The following ROBO2 variants were observed in gnomAD, a reference collection of about 807,000 sequenced individuals.
ROBO2 encodes roundabout guidance receptor 2, also known as roundabout homolog 2.
In ROBO2, 53 loss-of-function variants were observed where a neutral mutation model predicts 160.8. That is an observed-to-expected ratio of 0.33 (90% CI 0.26 to 0.41). The LOEUF is 0.41. ROBO2 is among the 10% of genes least tolerant of loss of function. The pLI is 1.00. For synonymous variants in ROBO2, 664 were observed against 611.7 expected, an observed-to-expected ratio of 1.09 and a Z score of -1.26; for missense variants, 1,577 against 1,722.4, an observed-to-expected ratio of 0.92 and a Z score of 1.49.
At chr3:76,427,835 T>C (rs1203248864) in intron 2 of ROBO2, among the ~76,000 whole-genome samples, 1 of 152,186 alleles carries the variant, frequency 6.6e-6, no homozygotes, top group African/African-American at 2.4e-5. Context: ...GAATCTGTTT[T>C]TTCAGTGAGT....
chr3:77,002,466 A>G (rs2061381480), intron 2 of ROBO2, among the ~76,000 whole-genome samples: 1 of 151,912 alleles, frequency 6.6e-6, no homozygotes. Flanking sequence ...AGATCATTTG[A>G]TATTATAAAA....
intron 2 of ROBO2, among the ~76,000 whole-genome samples, chr3:77,031,913 A>C (rs2063349324): frequency 6.6e-6 from 1 of 152,080 alleles, no homozygotes; most frequent in Admixed American, 6.6e-5. Flanking sequence ...TGGGAAGTTC[A>C]AGATCAAGGC....
intron 2 of ROBO2, among the ~76,000 whole-genome samples, chr3:77,386,626 A>G (rs1391826938): frequency 9.4e-5 from 1 of 10,622 alleles, no homozygotes; most frequent in Non-Finnish European, 4.2e-4. Flanking sequence ...TTTTTGAAAT[A>G]GAGCCTCGCT....
intron 2 of ROBO2, among the ~76,000 whole-genome samples, chr3:76,807,755 G>T (rs1394775351): frequency 6.6e-6 from 1 of 151,996 alleles, no homozygotes; most frequent in Non-Finnish European, 1.5e-5. Context: ...TAGTGAAAGG[G>T]CATCAGTTAT....
In ROBO2 at chr3:77,561,795, G is replaced by A. The variant is rs971447582; in HGVS notation, c.1438-856G>A. Among the ~76,000 whole-genome samples, 24 of 151,930 alleles carry A rather than the reference G, an allele frequency of 1.6e-4. 1 individual carries two copies. The highest frequency in any genetic ancestry group is 1.3e-4 in the Non-Finnish European group (9 of 67,992). On this transcript the variant is annotated intron_variant, in intron 9 of 25. Coordinates refer to ENST00000461745, the Ensembl canonical transcript of ROBO2. ...AATATTGAAGTTTTTAAATGAAGAA[G>A]TTTACCTTAAAAATATTTCTTTTTC...
intron 2 of ROBO2, among the ~76,000 whole-genome samples, chr3:76,590,254 T>G (rs1447117938): frequency 6.6e-6 from 1 of 152,154 alleles, no homozygotes; most frequent in Admixed American, 6.5e-5. Context: ...TTTTAACAAG[T>G]AATTTAACTC....
chr3:76,958,657 C>T (rs1015207569), intron 2 of ROBO2, among the ~76,000 whole-genome samples: 3 of 152,176 alleles, frequency 2.0e-5, no homozygotes, highest in Non-Finnish European at 4.4e-5. Context: ...CTGGCTTATG[C>T]AGTGAGAATG....
chr3:76,235,966 A>T (rs1704919495), intron 2 of ROBO2, among the ~76,000 whole-genome samples: 1 of 152,164 alleles, frequency 6.6e-6, no homozygotes, highest in African/African-American at 2.4e-5. Flanking sequence ...AAATAATAGA[A>T]ATAAAGATGA....
intron 2 of ROBO2, among the ~76,000 whole-genome samples, chr3:77,416,087 A>T (rs924772420): frequency 6.6e-6 from 1 of 152,174 alleles, no homozygotes; most frequent in African/African-American, 2.4e-5. Flanking sequence ...TGGAGAGTGG[A>T]CAAGGCAGGG....
At chr3:77,561,094 C>A (rs902344702) in intron 9 of ROBO2, among the ~76,000 whole-genome samples, 2 of 151,986 alleles carry the variant, frequency 1.3e-5, no homozygotes, top group South Asian at 4.1e-4. Flanking sequence ...GAATGTCATG[C>A]CAGAGCAATT....
At chr3:75,983,818 C>G (rs1326491934) in intron 2 of ROBO2, among the ~76,000 whole-genome samples, 1 of 151,358 alleles carries the variant, frequency 6.6e-6, no homozygotes, top group Admixed American at 6.6e-5. Context: ...ATGACATCAT[C>G]TGAAAACTAT....
At chr3:76,852,960 G>A (rs2069571170) in intron 2 of ROBO2, among the ~76,000 whole-genome samples, 1 of 152,090 alleles carries the variant, frequency 6.6e-6, no homozygotes, top group African/African-American at 2.4e-5. Flanking sequence ...GTTATTAAGG[G>A]ATTGTGTACA....
chr3:76,215,339 G>C (rs1355439157), intron 2 of ROBO2, among the ~76,000 whole-genome samples: 1 of 152,152 alleles, frequency 6.6e-6, no homozygotes, highest in Non-Finnish European at 1.5e-5. Context: ...GAGAGAGGAA[G>C]GCTTCAGAAG....
chr3:76,926,113 C>T (rs2149024531), intron 2 of ROBO2, among the ~76,000 whole-genome samples: 1 of 152,280 alleles, frequency 6.6e-6, no homozygotes, highest in East Asian at 1.9e-4. Context: ...AACTTCTTTG[C>T]CCTCCTCAGA....
intron 2 of ROBO2, among the ~76,000 whole-genome samples, chr3:75,955,542 G>A (rs1263722037): frequency 2.0e-5 from 3 of 151,502 alleles, no homozygotes; most frequent in Non-Finnish European, 4.4e-5. Context: ...TAAATGACGA[G>A]TTAATGGGTG....
At chr3:76,617,733 A>G (rs1013775962) in intron 2 of ROBO2, among the ~76,000 whole-genome samples, 2 of 152,130 alleles carry the variant, frequency 1.3e-5, no homozygotes, top group Non-Finnish European at 2.9e-5. Context: ...TGCTATAAAG[A>G]AATATCCAAG....
At chr3:77,312,051 A>T (rs1354995230) in intron 2 of ROBO2, among the ~76,000 whole-genome samples, 2 of 151,876 alleles carry the variant, frequency 1.3e-5, no homozygotes, top group Non-Finnish European at 2.9e-5. Context: ...ACCCCATTGC[A>T]CTCCAGCCTC....
chr3:76,858,696 G>A (rs1241581283), intron 2 of ROBO2, among the ~76,000 whole-genome samples: 1 of 152,198 alleles, frequency 6.6e-6, no homozygotes, highest in African/African-American at 2.4e-5. Context: ...CCTGTTAATA[G>A]AGAATTGTTG....
chr3:76,630,196 C>T (rs1270784554), intron 2 of ROBO2, among the ~76,000 whole-genome samples: 10 of 152,168 alleles, frequency 6.6e-5, no homozygotes. Flanking sequence ...GCTGGGTTTC[C>T]TTCCACATCA....
Sources: allele counts gnomAD v4.1 joint callset (sites outside exome capture counted in the v4.1 genomes callset), GRCh38; gene constraint gnomAD v4.1.1; transcripts MANE v1.5; gene names NCBI Gene and HGNC (gene_info 2026-07-23, HGNC 2026-07-21).